UNKL: variants seen among roughly 807,000 people sequenced by gnomAD.
The protein encoded by UNKL is unk like zinc finger, also known as putative E3 ubiquitin-protein ligase UNKL.
A neutral mutation model predicts 78.0 loss-of-function variants in UNKL; 60 were observed. That is an observed-to-expected ratio of 0.77 (90% CI 0.63 to 0.95). The LOEUF is 0.95. Ranked by LOEUF, UNKL falls within the 40% of genes least tolerant of loss-of-function variation. UNKL has a pLI of 0.00. For missense variants in UNKL, 1,159 were observed against 1,045.7 expected (o/e 1.11, Z -1.49); for synonymous variants, 608 against 474.8 (o/e 1.28, Z -3.65).
Position 1,399,507 on chromosome 16 carries a change from C to T in UNKL, c.601G>A (p.Ala201Thr), listed in dbSNP as rs1237928921. The change falls in exon 5 of 15, where the codon GCC becomes ACC. Residue 201 changes from alanine to threonine, a missense_variant and splice_region_variant. Ala to Thr is a moderately conservative substitution (Grantham distance 58). Coordinates refer to ENST00000389221, the MANE Select transcript of UNKL (RefSeq NM_001372107.1). This position sits in a 1 kb window ranked among gnomAD's most constrained non-coding sequence, Gnocchi z 5.8. ...TTGTAGCTGCCCAGCACGAAGTTGG[C>T]ATCTGAAAAATGGGCCACACGGTGC... The part of the protein sequence containing the change: ...ILSEDPRWQD[A>T]NFVLGSYKTE... 2 of 1,595,580 alleles carry T rather than the reference C, an allele frequency of 1.3e-6. No individual in the cohort carries two copies. The highest frequency in any genetic ancestry group is 1.7e-5 in the Admixed American group (1 of 57,914).
chr16:1,410,895 T>C (rs899051378), intron 2 of UNKL, among the ~76,000 whole-genome samples: 16 of 152,156 alleles, frequency 1.1e-4, no homozygotes, highest in African/African-American at 3.6e-4. Flanking sequence ...CTAACCAAAA[T>C]GGGCTGACTA....
intron 8 of UNKL, 131 bp downstream of exon 8, chr16:1,392,760 T>C: frequency 1.8e-6 from 2 of 1,115,926 alleles, no homozygotes; most frequent in Non-Finnish European, 2.6e-6. Context: ...TTCTAGACTC[T>C]TCTAGAAGAG....
Position 1,399,809 on chromosome 16 carries a change from T to G in UNKL, c.599-300A>C, listed in dbSNP as rs2037438559. Among the ~76,000 whole-genome samples, 1 of 151,636 alleles carries G rather than the reference T, an allele frequency of 6.6e-6. No homozygotes were observed. ...GGCTGGGAGGGAGTCCTGCTGTGGG[T>G]GTGCGGCTTCCTTGCTGGGGGATGA... On this transcript the variant is annotated intron_variant, in intron 4 of 14. Coordinates refer to ENST00000389221, the MANE Select transcript of UNKL (RefSeq NM_001372107.1). This position sits in a 1 kb window ranked among gnomAD's most constrained non-coding sequence, Gnocchi z 5.8.
intron 12 of UNKL, chr16:1,369,897 C>A (rs1258011756): frequency 2.8e-5 from 43 of 1,516,192 alleles, no homozygotes; most frequent in Non-Finnish European, 3.6e-5. Flanking sequence ...ATTGCTTGAA[C>A]CTGGGAGGCG....
chr16:1,370,622 C>T (rs920666083), intron 11 of UNKL, among the ~76,000 whole-genome samples: 2 of 152,122 alleles, frequency 1.3e-5, no homozygotes, highest in Non-Finnish European at 2.9e-5. Context: ...TAACATGGGC[C>T]CCCCCCAAAG....
chr16:1,390,743 A>G, intron 8 of UNKL, 49 bp from the exon 9 acceptor site: 1 of 1,531,646 alleles, frequency 6.5e-7, no homozygotes, highest in Non-Finnish European at 8.7e-7. Flanking sequence ...GAGGAAATGT[A>G]AATTAAAAAC....
At chr16:1,371,827 C>A (rs937426091) in intron 10 of UNKL, among the ~76,000 whole-genome samples, 1 of 152,226 alleles carries the variant, frequency 6.6e-6, no homozygotes, top group Admixed American at 6.5e-5. Context: ...GCAAAACGAG[C>A]GTGCTCAGGT....
chr16:1,378,384 AGCCCCTTCAGAGCTCACC>A (rs2036393165), intron 10 of UNKL, among the ~76,000 whole-genome samples: 1 of 152,224 alleles, frequency 6.6e-6, no homozygotes. Flanking sequence ...AGGATATGGC[AGCCCCTTCAGAGCTCACC>A]GCCCCTCACA....
chr16:1,400,714 G>A (rs2142199068), intron 4 of UNKL, among the ~76,000 whole-genome samples: 1 of 151,800 alleles, frequency 6.6e-6, no homozygotes, highest in Non-Finnish European at 1.5e-5. Flanking sequence ...TTGAAACGGA[G>A]TCTCACTCTG....
At position 1,414,648 on chromosome 16, in the gene UNKL, G is replaced by T. The variant is rs776243057; in HGVS notation, c.44C>A (p.Ser15Tyr). The change falls in exon 1 of 15, where the codon TCC becomes TAC. Residue 15 changes from serine to tyrosine, a missense_variant. Ser to Tyr is a moderately radical substitution (Grantham distance 144). Coordinates refer to ENST00000389221, the MANE Select transcript of UNKL (RefSeq NM_001372107.1). ...SKAAAAALSG[S>Y]PPQTEKPTHY... The stretch of plus-strand genomic sequence containing the variant: ...GGTCGGCTTCTCAGTCTGCGGGGGG[G>T]ACCCGCTCAGCGCCGCTGCCGCCGC... 1.1e-5 allele frequency: 12 copies of T among 1,141,560 alleles called. No individual in the cohort carries two copies. Among genetic ancestry groups the T allele is most frequent in the Non-Finnish European group, 1.3e-5 (12 of 919,182 alleles). The allele number at this position is 1,141,560 out of a possible 1,614,324, so 70.7% of individuals were successfully genotyped here. A position where few individuals can be genotyped will look rare whatever the true frequency, so the allele number is the denominator to read the frequency against.
At chr16:1,398,146 A>G (rs2037358611) in intron 5 of UNKL, among the ~76,000 whole-genome samples, 1 of 152,176 alleles carries the variant, frequency 6.6e-6, no homozygotes. Context: ...CTTTCTATAA[A>G]ATGGAAGCGA....
chr16:1,379,447 G>C (rs979350207), intron 10 of UNKL: 1 of 980,268 alleles, frequency 1.0e-6, no homozygotes, highest in South Asian at 4.7e-5. Flanking sequence ...CCGAGAAGGC[G>C]ACGCCTTCGC....
At chr16:1,398,600 C>G in intron 5 of UNKL, 1 of 1,420,062 alleles carries the variant, frequency 7.0e-7, no homozygotes, top group South Asian at 1.5e-5. Context: ...GCTCTCTGCT[C>G]AAAGGAAGAG....
chr16:1,380,707 C>T (rs2036574394), intron 10 of UNKL, among the ~76,000 whole-genome samples: 1 of 105,284 alleles, frequency 9.5e-6, no homozygotes, highest in South Asian at 3.1e-4. Context: ...ACAAGTCTCG[C>T]TCTGTCACCC....
At chr16:1,392,794 C>T (rs1223467205) in intron 8 of UNKL, 97 bp downstream of exon 8, 21 of 1,411,230 alleles carry the variant, frequency 1.5e-5, no homozygotes, top group Non-Finnish European at 2.1e-5. Context: ...AGACTGCCCA[C>T]GACCACATTG....
At position 1,365,962 on chromosome 16, in the gene UNKL, CAG is replaced by C. The variant is rs2035217995; in HGVS notation, c.*276_*277del. 3.1e-6 allele frequency: 1 copy of C among 319,244 alleles called. No homozygotes were observed. The highest frequency in any genetic ancestry group is 5.8e-6 in the Non-Finnish European group (1 of 173,698). The allele number at this position is 319,244 out of a possible 1,614,324, so 19.8% of individuals were successfully genotyped here. On this transcript the variant is annotated 3_prime_UTR_variant, in exon 15 of 15. Transcript: ENST00000389221. ...TGGATCCCGGAGGCACCAGGCCCCT[CAG>C]GGACAGGCAGGCGGGTTCTGTGGGT...
chr16:1,367,117 C>A lies in UNKL; in HGVS notation c.2021G>T (p.Arg674Leu), dbSNP rs771207208. Reference sequence around the variant, plus strand: ...GCCGTCCACCGCCTCCAGGTCCAGGCGCAGCTGACTCTGCAGCGAGTGCAG... The same window carrying A: ...GCCGTCCACCGCCTCCAGGTCCAGGAGCAGCTGACTCTGCAGCGAGTGCAG... ...PKLHSLQSQL[R>L]LDLEAVDGVI... Residue 674 changes from arginine (R) to leucine (L), a missense_variant, in exon 14 of 15, where the codon CGC becomes CTC. Physicochemically the swap from Arg to Leu is moderately radical, Grantham distance 102. Transcript: ENST00000389221. 2 of 1,584,154 alleles carry A rather than the reference C, an allele frequency of 1.3e-6. No individual in the cohort carries two copies. The highest frequency in any genetic ancestry group is 1.3e-5 in the African/African-American group (1 of 74,336).
At chr16:1,379,888 A>G (rs1381626388) in intron 10 of UNKL, among the ~76,000 whole-genome samples, 1 of 152,042 alleles carries the variant, frequency 6.6e-6, no homozygotes, top group East Asian at 1.9e-4. Flanking sequence ...TCAGGCAGAA[A>G]GCCCCAGAGC....
chr16:1,363,948 T>A lies in UNKL; in HGVS notation c.*2292A>T, dbSNP rs1026894199. 2 of 152,148 alleles carry A rather than the reference T, an allele frequency of 1.3e-5. No homozygotes were observed. The highest frequency in any genetic ancestry group is 2.9e-5 in the Non-Finnish European group (2 of 68,022). 9.4% of individuals were successfully genotyped at this position (152,148 alleles called of 1,614,324 possible). A position where few individuals can be genotyped will look rare whatever the true frequency, so the allele number is the denominator to read the frequency against. On this transcript the variant is annotated 3_prime_UTR_variant, in exon 15 of 15. Coordinates refer to ENST00000389221, the MANE Select transcript of UNKL (RefSeq NM_001372107.1). ...GACACCCTGAGGGGCGGGCGCCACCTCCTTCCCAGAAAGAGCAGAGCAGCT... is the reference window on the plus strand; with the variant it reads ...GACACCCTGAGGGGCGGGCGCCACCACCTTCCCAGAAAGAGCAGAGCAGCT...
Sources: allele counts gnomAD v4.1 joint callset (sites outside exome capture counted in the v4.1 genomes callset), GRCh38; gene constraint gnomAD v4.1.1; non-coding constraint Gnocchi (gnomAD v3.1); transcripts MANE v1.5; gene names NCBI Gene and HGNC (gene_info 2026-07-23, HGNC 2026-07-21).